SLC2A7: variants seen among roughly 807,000 people sequenced by gnomAD.
SLC2A7 encodes solute carrier family 2, facilitated glucose transporter member 7.
In SLC2A7, 50 loss-of-function variants were observed where a neutral mutation model predicts 50.5. The observed-to-expected ratio is 0.99, with a 90% CI of 0.79 to 1.25. The LOEUF is 1.25. SLC2A7 is among the 50% of genes most tolerant of loss of function. The pLI is 0.00. For missense variants in SLC2A7, 683 were observed against 679.1 expected (o/e 1.01, Z -0.06); for synonymous variants, 308 against 300.4 (o/e 1.03, Z -0.26).
intron 10 of SLC2A7, among the ~76,000 whole-genome samples, chr1:9,006,287 G>C (rs1332739915): frequency 6.6e-6 from 1 of 152,178 alleles, no homozygotes; most frequent in Non-Finnish European, 1.5e-5. Context: ...ACAGAGTCTT[G>C]CTCTCTTGCC....
At chr1:9,010,364 T>C in intron 8 of SLC2A7, 120 bp from the exon 9 acceptor site, 1 of 767,002 alleles carries the variant, frequency 1.3e-6, no homozygotes, top group East Asian at 2.7e-5. Context: ...TTTGTCTTTC[T>C]TTCTTTTTTT....
chr1:9,001,664 C>A (rs7548457), downstream of SLC2A7, among the ~76,000 whole-genome samples: 1 of 151,804 alleles, frequency 6.6e-6, no homozygotes, highest in East Asian at 1.9e-4. Flanking sequence ...GTGATCTACT[C>A]GCTTCAGCCT....
chr1:9,007,732 C>G (rs541437547), intron 9 of SLC2A7, among the ~76,000 whole-genome samples: 1 of 142,068 alleles, frequency 7.0e-6, no homozygotes, highest in Non-Finnish European at 1.5e-5. Context: ...AGTGACTCTA[C>G]GATTCTTTCT....
chr1:9,025,686 A>G (rs922420257), intron 1 of SLC2A7, among the ~76,000 whole-genome samples: 1 of 152,156 alleles, frequency 6.6e-6, no homozygotes, highest in Non-Finnish European at 1.5e-5. Context: ...GCCCTTAGGA[A>G]AATCCCGGCA....
At chr1:9,018,653 C>T (rs931487796) in intron 4 of SLC2A7, among the ~76,000 whole-genome samples, 2 of 152,210 alleles carry the variant, frequency 1.3e-5, no homozygotes, top group Non-Finnish European at 2.9e-5. Context: ...CCTAGGCCTC[C>T]GTGTGTCCCT....
intron 8 of SLC2A7, among the ~76,000 whole-genome samples, chr1:9,012,624 C>G (rs1433878436): frequency 6.6e-6 from 1 of 152,140 alleles, no homozygotes; most frequent in African/African-American, 2.4e-5. Context: ...AAAATGTTTA[C>G]CATCACTGGC....
chr1:9,007,190 C>A, intron 10 of SLC2A7, 120 bp downstream of exon 10: 1 of 1,138,150 alleles, frequency 8.8e-7, no homozygotes, highest in East Asian at 2.4e-5. Context: ...GTGGGATCTG[C>A]GTGAGCACGG....
At chr1:9,007,732 C>T (rs541437547) in intron 9 of SLC2A7, among the ~76,000 whole-genome samples, 30 of 142,178 alleles carry the variant, frequency 2.1e-4, no homozygotes, top group South Asian at 6.9e-4. Flanking sequence ...AGTGACTCTA[C>T]GATTCTTTCT....
chr1:9,015,324 C>A, intron 5 of SLC2A7, 82 bp from the exon 6 acceptor site: 2 of 1,451,560 alleles, frequency 1.4e-6, no homozygotes, highest in South Asian at 1.4e-5. Context: ...GGTCACGCTC[C>A]TATGTGTGAA....
In SLC2A7 at chr1:9,004,831, C is replaced by T. The variant is rs150733722; in HGVS notation, c.1241G>A (p.Arg414Gln). 1.9e-5 allele frequency: 31 copies of T among 1,613,966 alleles called. No homozygotes were observed. Among genetic ancestry groups the T allele is most frequent in the Admixed American group, 1.5e-4 (9 of 59,992 alleles). The change falls in exon 11 of 12, where the codon CGG becomes CAG. Residue 414 changes from arginine (R) to glutamine (Q), a missense_variant. Coordinates refer to ENST00000400906, the MANE Select transcript of SLC2A7 (RefSeq NM_207420.3). ...CCCGTCCACCATGAAAGCTGCCCGCCGGGAGGACTGCAGGAAGATCTCGGT... is the reference window on the plus strand; with the variant it reads ...CCCGTCCACCATGAAAGCTGCCCGCTGGGAGGACTGCAGGAAGATCTCGGT... ...VRTEIFLQSS[R>Q]RAAFMVDGAV...
downstream of SLC2A7, among the ~76,000 whole-genome samples, chr1:9,001,503 C>T (rs1640571970): frequency 6.7e-6 from 1 of 150,086 alleles, no homozygotes; most frequent in Non-Finnish European, 1.5e-5. Context: ...ATTGCAACCT[C>T]TGCCTCTCGG....
intron 5 of SLC2A7, among the ~76,000 whole-genome samples, chr1:9,016,302 GAA>G (rs933340502): frequency 6.6e-6 from 1 of 152,178 alleles, no homozygotes; most frequent in Non-Finnish European, 1.5e-5. Context: ...GGGTCATTCA[GAA>G]ATGTCTGTAA....
Position 9,007,344 on chromosome 1 carries a change from G to A in SLC2A7, c.1158C>T (p.Val386=). 1 of 1,614,262 alleles carries A rather than the reference G, an allele frequency of 6.2e-7. No homozygotes were observed. Among genetic ancestry groups the A allele is most frequent in the Non-Finnish European group, 8.5e-7 (1 of 1,180,044 alleles). Residue 386 remains valine (V), a synonymous_variant, in exon 10 of 12, where the codon GTC becomes GTT. Coordinates refer to ENST00000400906, the MANE Select transcript of SLC2A7 (RefSeq NM_207420.3). ...PELSYLGIIC[V]FAYIAGHSIG... ...TGGAATGTCCCGCGATGTAGGCAAA[G>A]ACACAGATGATGCCGAGGTAGGACA...
the SLC2A7 span, among the ~76,000 whole-genome samples, chr1:8,994,654 T>C: frequency 1.8e-4 from 28 of 152,294 alleles, no homozygotes; most frequent in Non-Finnish European, 3.2e-4. Context: ...GCTTTTCCCA[T>C]GCAACTGCCT....
At chr1:9,009,543 A>ACCTCCCAGGCTCAGGTGAT (rs1640711177) in intron 9 of SLC2A7, among the ~76,000 whole-genome samples, 2 of 152,104 alleles carry the variant, frequency 1.3e-5, no homozygotes, top group Non-Finnish European at 2.9e-5. Context: ...TGCAGCCTTG[A>ACCTCCCAGGCTCAGGTGAT]CCTCCCAGGC....
chr1:8,994,625 G>A, the SLC2A7 span, among the ~76,000 whole-genome samples: 1 of 152,194 alleles, frequency 6.6e-6, no homozygotes, highest in African/African-American at 2.4e-5. Flanking sequence ...CACCTCTGTG[G>A]CAGGTGACGG....
intron 2 of SLC2A7, 126 bp downstream of exon 2, chr1:9,024,850 C>T: frequency 9.3e-6 from 10 of 1,071,106 alleles, no homozygotes; most frequent in Non-Finnish European, 1.4e-5. Flanking sequence ...CTGGCTGCTC[C>T]CAAAGGCAAG....
At chr1:9,026,138 T>C (rs909710239) in intron 1 of SLC2A7, among the ~76,000 whole-genome samples, 157 bp downstream of exon 1, 1 of 152,202 alleles carries the variant, frequency 6.6e-6, no homozygotes, top group Non-Finnish European at 1.5e-5. Flanking sequence ...GCATAGCTGC[T>C]TCTCCACATG....
intron 8 of SLC2A7, among the ~76,000 whole-genome samples, chr1:9,010,658 T>G (rs1640735243): frequency 6.6e-6 from 1 of 152,150 alleles, no homozygotes; most frequent in African/African-American, 2.4e-5. Flanking sequence ...GTGCGTCACC[T>G]TTTAGGTGCC....
Sources: allele counts gnomAD v4.1 joint callset (sites outside exome capture counted in the v4.1 genomes callset), GRCh38; gene constraint gnomAD v4.1.1; transcripts MANE v1.5; gene names NCBI Gene and HGNC (gene_info 2026-07-23, HGNC 2026-07-21).